The following KAZN variants were observed in gnomAD, a reference collection of about 807,000 sequenced individuals.
The protein encoded by KAZN is kazrin, periplakin interacting protein.
A neutral mutation model predicts 87.4 loss-of-function variants in KAZN; 40 were observed. The observed-to-expected ratio is 0.46, with a 90% CI of 0.36 to 0.60. The LOEUF is 0.60. KAZN is among the 20% of genes least tolerant of loss of function. The pLI is 0.00. For synonymous variants in KAZN, 466 were observed against 458.3 expected (o/e 1.02, Z -0.22); for missense variants, 898 against 1,073.9 (o/e 0.84, Z 2.29).
chr1:14,364,993 T>C (rs1217735450), intron 2 of KAZN, among the ~76,000 whole-genome samples: 4 of 152,010 alleles, frequency 2.6e-5, no homozygotes, highest in African/African-American at 9.7e-5. Context: ...TCTTCCCACC[T>C]TGACGTCCCA....
intron 2 of KAZN, among the ~76,000 whole-genome samples, chr1:14,453,589 A>G (rs796496895): frequency 2.4e-4 from 36 of 152,274 alleles, no homozygotes; most frequent in African/African-American, 8.7e-4. Flanking sequence ...TAATTCCAGC[A>G]CTTTGGGAGG....
chr1:15,075,192 G>GCATCA (rs1639682803), intron 8 of KAZN, among the ~76,000 whole-genome samples: 1 of 152,142 alleles, frequency 6.6e-6, no homozygotes, highest in African/African-American at 2.4e-5. Context: ...GCCCAGCAGG[G>GCATCA]CATCAGTGTC....
intron 1 of KAZN, among the ~76,000 whole-genome samples, chr1:14,778,148 C>A (rs1452659902): frequency 6.6e-6 from 1 of 152,150 alleles, no homozygotes; most frequent in East Asian, 1.9e-4. Context: ...TTTACCCAAT[C>A]TCTATTCAAG....
chr1:14,650,527 TA>T, intron 1 of KAZN, among the ~76,000 whole-genome samples: 1 of 152,252 alleles, frequency 6.6e-6, no homozygotes, highest in East Asian at 1.9e-4. Context: ...GCCTGGGGGA[TA>T]GAGTGAAACC....
chr1:14,870,762 G>A (rs1290975774), intron 1 of KAZN, among the ~76,000 whole-genome samples: 1 of 152,142 alleles, frequency 6.6e-6, no homozygotes, highest in African/African-American at 2.4e-5. Context: ...CTCAATCGGG[G>A]GCATTTGTTG....
upstream of KAZN, among the ~76,000 whole-genome samples, chr1:14,595,980 GTCTTT>G (rs1347687798): frequency 3.3e-5 from 5 of 152,136 alleles, no homozygotes; most frequent in Non-Finnish European, 7.4e-5. Flanking sequence ...CAAGGAATGA[GTCTTT>G]TCTTTTCTCC....
chr1:14,854,745 G>T (rs532921748), intron 1 of KAZN, among the ~76,000 whole-genome samples: 1 of 152,138 alleles, frequency 6.6e-6, no homozygotes, highest in Admixed American at 6.5e-5. Context: ...ACCGCACTGG[G>T]GATCGAATTT....
At chr1:14,086,460 G>A (rs886615607) in intron 1 of KAZN, among the ~76,000 whole-genome samples, 1 of 151,960 alleles carries the variant, frequency 6.6e-6, no homozygotes, top group African/African-American at 2.4e-5. Context: ...TAGGTATTTG[G>A]TTCTCCCAGT....
chr1:14,854,687 T>C (rs1457222586), intron 1 of KAZN, among the ~76,000 whole-genome samples: 1 of 152,096 alleles, frequency 6.6e-6, no homozygotes, highest in Non-Finnish European at 1.5e-5. Context: ...CAATGAGGAA[T>C]GCACCTCCAT....
intron 2 of KAZN, among the ~76,000 whole-genome samples, chr1:14,321,176 C>T (rs893881962): frequency 5.3e-5 from 8 of 152,096 alleles, no homozygotes; most frequent in African/African-American, 1.9e-4. Flanking sequence ...TATATCGTGG[C>T]TTACAAAATT....
chr1:14,993,482 A>C (rs906865455), intron 2 of KAZN, among the ~76,000 whole-genome samples: 120 of 151,498 alleles, frequency 7.9e-4, no homozygotes, highest in African/African-American at 2.5e-3. Context: ...AAAAAAAAAT[A>C]ATCATCATCA....
At chr1:14,180,688 T>C (rs1195117172) in intron 2 of KAZN, 2 of 902,826 alleles carry the variant, frequency 2.2e-6, no homozygotes, top group Admixed American at 2.9e-5. Context: ...ACCACACCTA[T>C]TGAAACCTGT....
chr1:14,054,589 C>A (rs1448250418), intron 1 of KAZN, among the ~76,000 whole-genome samples: 1 of 152,060 alleles, frequency 6.6e-6, no homozygotes, highest in Non-Finnish European at 1.5e-5. Context: ...AATTCTTGGC[C>A]CAGGCATATT....
At chr1:14,027,573 A>G (rs1051584554) in intron 1 of KAZN, among the ~76,000 whole-genome samples, 1 of 152,220 alleles carries the variant, frequency 6.6e-6, no homozygotes, top group African/African-American at 2.4e-5. Flanking sequence ...CTAGCAAACT[A>G]TAATTACAAT....
intron 2 of KAZN, among the ~76,000 whole-genome samples, chr1:14,271,987 A>C (rs1365601830): frequency 2.0e-5 from 3 of 152,270 alleles, no homozygotes; most frequent in Non-Finnish European, 4.4e-5. Context: ...AATGATTCAC[A>C]CTTCACAGAG....
chr1:14,713,797 A>AAAAGAAGG (rs1642625831), intron 1 of KAZN, among the ~76,000 whole-genome samples: 40 of 95,686 alleles, frequency 4.2e-4, no homozygotes, highest in African/African-American at 1.6e-3. Context: ...AAAAAAAAAA[A>AAAAGAAGG]AAAGAAAGAA....
chr1:14,598,684 C>T (rs958472115), upstream of KAZN: 34 of 1,288,082 alleles, frequency 2.6e-5, no homozygotes, highest in African/African-American at 6.3e-5. This position sits in a 1 kb window ranked among gnomAD's most constrained non-coding sequence, Gnocchi z 4.2. Flanking sequence ...CGCGCGGTGT[C>T]CTTCTTGGAG....
At chr1:13,965,593 C>A (rs747551739) in intron 1 of KAZN, among the ~76,000 whole-genome samples, 8 of 152,170 alleles carry the variant, frequency 5.3e-5, no homozygotes, top group Non-Finnish European at 1.2e-4. Context: ...TATTTCCCAG[C>A]AAGACTGGGA....
At chr1:14,227,721 T>C (rs1234620637) in intron 2 of KAZN, among the ~76,000 whole-genome samples, 1 of 152,200 alleles carries the variant, frequency 6.6e-6, no homozygotes, top group Non-Finnish European at 1.5e-5. Context: ...TTTGTAGTCA[T>C]GTTTGAAACC....
Sources: allele counts gnomAD v4.1 joint callset (sites outside exome capture counted in the v4.1 genomes callset), GRCh38; gene constraint gnomAD v4.1.1; non-coding constraint Gnocchi (gnomAD v3.1); transcripts MANE v1.5; gene names NCBI Gene and HGNC (gene_info 2026-07-23, HGNC 2026-07-21).